SCAPER: variants seen among roughly 807,000 people sequenced by gnomAD.
The protein encoded by SCAPER is S-phase cyclin A associated protein in the ER, also known as S phase cyclin A-associated protein in the endoplasmic reticulum.
SCAPER carries 98 observed loss-of-function variants against 182.2 expected under a neutral mutation model. The observed-to-expected ratio is 0.54, with a 90% confidence interval of 0.46 to 0.64. SCAPER has a LOEUF of 0.64. Among genes scored for constraint, SCAPER ranks in the 30% least tolerant of loss-of-function variants. The pLI is 0.00. For synonymous variants in SCAPER, 605 were observed against 564.6 expected (o/e 1.07, Z -1.01); for missense variants, 1,432 against 1,690.0 (o/e 0.85, Z 2.68).
rs751781329 is a variant in SCAPER, at chr15:76,811,248, A to C, written c.394-6615T>G. On this transcript the variant is annotated intron_variant, in intron 5 of 31. Transcript: ENST00000563290. ...TTCAGGGCAGATCACAAAACAAGTT[A>C]GGTCTCAAAAAAGTCTTAACAAATT... is the stretch of plus-strand genomic sequence containing the variant. Among the ~76,000 whole-genome samples, 30 of 152,148 alleles carry C rather than the reference A, an allele frequency of 2.0e-4. 1 individual carries two copies. Among genetic ancestry groups the C allele is most frequent in the Non-Finnish European group, 3.2e-4 (22 of 68,018 alleles).
chr15:76,395,144 C>T (rs1428536118), intron 27 of SCAPER, among the ~76,000 whole-genome samples: 5 of 152,124 alleles, frequency 3.3e-5, no homozygotes, highest in East Asian at 1.9e-4. Context: ...ACAATGACCT[C>T]GAATTTCATC....
rs551995729 is a variant in SCAPER at position 76,657,046 on chromosome 15, A to G, written c.2645+8607T>C. Among the ~76,000 whole-genome samples, 43 of 152,320 alleles carry G rather than the reference A, an allele frequency of 2.8e-4. 2 individuals carry two copies. The highest frequency in any genetic ancestry group is 3.4e-3 in the Middle Eastern group (1 of 294). ...TGGAAGACAAGAAATAATCAAAATCAGAGCTCAACTGAAGAAAACTGAGAT... is the reference window on the plus strand; with the variant it reads ...TGGAAGACAAGAAATAATCAAAATCGGAGCTCAACTGAAGAAAACTGAGAT... On this transcript the variant is annotated intron_variant, in intron 21 of 31. Coordinates refer to ENST00000563290, the MANE Select transcript of SCAPER (RefSeq NM_020843.4).
At chr15:76,797,115 A>T (rs2065385764) in intron 7 of SCAPER, 1 of 152,210 alleles carries the variant, frequency 6.6e-6, no homozygotes, top group South Asian at 2.1e-4. Flanking sequence ...AGCAGTAACA[A>T]GAGGTGAAAG....
chr15:76,773,397 T>C (rs943394196), intron 9 of SCAPER, among the ~76,000 whole-genome samples: 5 of 152,032 alleles, frequency 3.3e-5, no homozygotes, highest in Admixed American at 1.3e-4. Context: ...ACTACACACA[T>C]TGCATAATTT....
At chr15:76,571,331 G>A (rs527959440) in intron 23 of SCAPER, among the ~76,000 whole-genome samples, 33 of 152,218 alleles carry the variant, frequency 2.2e-4, no homozygotes, top group African/African-American at 6.5e-4. Context: ...CTAGACCAAA[G>A]TATGTTAGTA....
At chr15:76,572,911 T>TCA (rs67724539) in intron 23 of SCAPER, among the ~76,000 whole-genome samples, 10,149 of 108,784 alleles carry the variant, frequency 0.093, 446 homozygotes, top group South Asian at 0.12. Context: ...TCTCTCTCTC[T>TCA]CTCTCTCTCA....
chr15:76,584,564 T>TA (rs2048494647), intron 22 of SCAPER, among the ~76,000 whole-genome samples: 1 of 152,216 alleles, frequency 6.6e-6, no homozygotes, highest in East Asian at 1.9e-4. Context: ...AAATTAAATA[T>TA]AAAAAAATGC....
At chr15:76,716,575 A>T (rs2059897907) in intron 17 of SCAPER, among the ~76,000 whole-genome samples, 1 of 152,124 alleles carries the variant, frequency 6.6e-6, no homozygotes, top group African/African-American at 2.4e-5. Context: ...TAGAAAAATA[A>T]ATCATGATCT....
chr15:76,611,412 T>C (rs1424645823), intron 22 of SCAPER, among the ~76,000 whole-genome samples: 1 of 151,878 alleles, frequency 6.6e-6, no homozygotes, highest in Non-Finnish European at 1.5e-5. Flanking sequence ...AAACCAATAA[T>C]GAGTTCTGAA....
intron 21 of SCAPER, among the ~76,000 whole-genome samples, chr15:76,631,858 A>G (rs1334263287): frequency 6.6e-6 from 1 of 152,190 alleles, no homozygotes; most frequent in Admixed American, 6.5e-5. Context: ...GAAGTTCTCC[A>G]GGATGATATC....
chr15:76,512,865 G>GA (rs1038821410), intron 23 of SCAPER, among the ~76,000 whole-genome samples: 5 of 36,388 alleles, frequency 1.4e-4, no homozygotes, highest in African/African-American at 3.0e-4. Flanking sequence ...AGCTTTTCCA[G>GA]AAAAAAAAAA....
intron 26 of SCAPER, among the ~76,000 whole-genome samples, chr15:76,414,777 C>G (rs2045539806): frequency 6.6e-6 from 1 of 151,990 alleles, no homozygotes; most frequent in South Asian, 2.1e-4. Flanking sequence ...GGAGACAGAT[C>G]CATAGTCACA....
At chr15:76,835,267 TA>T (rs201929772) in intron 5 of SCAPER, among the ~76,000 whole-genome samples, 1 of 150,222 alleles carries the variant, frequency 6.7e-6, no homozygotes, top group African/African-American at 2.4e-5. Context: ...AACACAGATT[TA>T]AAAAAAAAGA....
chr15:76,666,176 G>C (rs779829137), intron 20 of SCAPER, among the ~76,000 whole-genome samples: 1 of 152,166 alleles, frequency 6.6e-6, no homozygotes, highest in Non-Finnish European at 1.5e-5. Context: ...TTCACTAGGC[G>C]GAAGAGGGGG....
intron 4 of SCAPER, among the ~76,000 whole-genome samples, chr15:76,852,547 C>A (rs934222637): frequency 6.6e-6 from 1 of 152,142 alleles, no homozygotes; most frequent in Non-Finnish European, 1.5e-5. Context: ...TTACCCAAAA[C>A]CATGCAACAC....
At chr15:76,679,463 T>A (rs997903044) in intron 20 of SCAPER, among the ~76,000 whole-genome samples, 1 of 152,216 alleles carries the variant, frequency 6.6e-6, no homozygotes, top group East Asian at 1.9e-4. Context: ...TGTGACTACA[T>A]CACTTTAAAC....
chr15:76,643,007 T>C (rs2054225444), intron 21 of SCAPER, among the ~76,000 whole-genome samples: 1 of 152,206 alleles, frequency 6.6e-6, no homozygotes, highest in African/African-American at 2.4e-5. Context: ...TACAAATTGA[T>C]GCACTATCTA....
chr15:76,852,492 T>C (rs1290629757), intron 4 of SCAPER, among the ~76,000 whole-genome samples: 1 of 152,084 alleles, frequency 6.6e-6, no homozygotes, highest in Non-Finnish European at 1.5e-5. Flanking sequence ...CCAAACACAC[T>C]TTCAGACCAC....
intron 28 of SCAPER, 115 bp downstream of exon 28, chr15:76,381,263 C>T: frequency 2.9e-6 from 2 of 682,730 alleles, no homozygotes; most frequent in East Asian, 2.8e-5. Context: ...ATTATAATTC[C>T]ATTTATTGTA....
Sources: allele counts gnomAD v4.1 joint callset (sites outside exome capture counted in the v4.1 genomes callset), GRCh38; gene constraint gnomAD v4.1.1; transcripts MANE v1.5; gene names NCBI Gene and HGNC (gene_info 2026-07-23, HGNC 2026-07-21).